The following ICE2 variants were observed in gnomAD, a reference collection of about 807,000 sequenced individuals.
ICE2 encodes the protein interactor of little elongation complex ELL subunit 2.
ICE2 carries 87 observed loss-of-function variants against 105.4 expected under a neutral mutation model. That is an observed-to-expected ratio of 0.83 (90% confidence interval 0.69 to 0.99). The LOEUF (loss-of-function observed/expected upper bound fraction) is 0.99, where lower values mean the gene tolerates loss of function less well. ICE2 is among the 50% of genes least tolerant of loss of function. ICE2 has a pLI of 0.00. For synonymous variants in ICE2, 399 were observed against 392.0 expected (o/e 1.02, Z -0.21); for missense variants, 1,323 against 1,146.7 (o/e 1.15, Z -2.22).
chr15:60,446,646 C>A (rs999144648), intron 11 of ICE2, among the ~76,000 whole-genome samples: 1 of 152,124 alleles, frequency 6.6e-6, no homozygotes, highest in Non-Finnish European at 1.5e-5. Flanking sequence ...CTGCCCACCT[C>A]GGCCTCCCAA....
chr15:60,442,315 G>T (rs538276081), intron 12 of ICE2, 101 bp downstream of exon 12: 32 of 1,108,692 alleles, frequency 2.9e-5, no homozygotes, highest in Admixed American at 5.2e-5. Context: ...AAATAAAAAC[G>T]AAAGTAAAAA....
At chr15:60,478,504 C>T (rs929455374) in intron 1 of ICE2, 1 of 183,972 alleles carries the variant, frequency 5.4e-6, no homozygotes, top group Admixed American at 5.9e-5. Flanking sequence ...AGGCCTTTCA[C>T]AAAGAACCTC....
intron 13 of ICE2, among the ~76,000 whole-genome samples, chr15:60,433,530 T>C (rs538673008): frequency 3.5e-4 from 53 of 151,922 alleles, no homozygotes; most frequent in Non-Finnish European, 7.4e-4. Context: ...TTGCTCTTTT[T>C]GCCCAGGTTG....
At chr15:60,471,700 T>C (rs942174200) in intron 3 of ICE2, among the ~76,000 whole-genome samples, 4 of 152,150 alleles carry the variant, frequency 2.6e-5, no homozygotes, top group Non-Finnish European at 4.4e-5. Context: ...GTATACAGCA[T>C]TATATTTTAT....
chr15:60,432,181 CTTTTTTTT>C (rs35081421), intron 13 of ICE2, among the ~76,000 whole-genome samples, 197 bp from the exon 14 acceptor site: 36 of 110,644 alleles, frequency 3.3e-4, no homozygotes, highest in Non-Finnish European at 4.1e-4. Flanking sequence ...AAAAAATTTC[CTTTTTTTT>C]TTTTTTTTTT....
At position 60,449,974 on chromosome 15, in the gene ICE2, GTTC is replaced by G. The variant is rs1341262981; in HGVS notation, c.1126-136_1126-134del. ...AAGAAAAGTCTAATGGTTGTAAAAG[GTTC>G]TTGTTTAAGATGACAACAAACTACT... On this transcript the variant is annotated intron_variant, in intron 9 of 15. Coordinates refer to ENST00000261520, the MANE Select transcript of ICE2 (RefSeq NM_024611.6). The G allele has an allele frequency of 7.9e-5, 54 of 686,362 alleles. No homozygotes were observed. In the East Asian group the frequency reaches 1.5e-3, roughly 18 times the overall value. The allele number at this position is 686,362 out of a possible 1,614,324, so 42.5% of individuals were successfully genotyped here. A position where few individuals can be genotyped will look rare whatever the true frequency, so the allele number is the denominator to read the frequency against.
chr15:60,446,034 G>A (rs1016536001), intron 11 of ICE2, among the ~76,000 whole-genome samples: 1 of 152,130 alleles, frequency 6.6e-6, no homozygotes, highest in African/African-American at 2.4e-5. Context: ...TTCACAGGAT[G>A]TTATAGCATT....
At chr15:60,468,657 T>C (rs2064497846) in intron 3 of ICE2, among the ~76,000 whole-genome samples, 1 of 152,216 alleles carries the variant, frequency 6.6e-6, no homozygotes. Context: ...TTACATTTTA[T>C]TAAATTTGAG....
intron 13 of ICE2, among the ~76,000 whole-genome samples, chr15:60,433,386 A>C (rs531091144): frequency 9.9e-5 from 15 of 151,422 alleles, no homozygotes; most frequent in Non-Finnish European, 1.9e-4. Flanking sequence ...GCACCCGGCC[A>C]AATCAGGTAT....
rs767265463 is a variant in ICE2, at chr15:60,468,074, T to G, written c.395A>C (p.Tyr132Ser). 2 of 1,611,956 alleles carry G rather than the reference T, an allele frequency of 1.2e-6. No homozygotes were observed. Among genetic ancestry groups the G allele is most frequent in the Non-Finnish European group, 1.7e-6 (2 of 1,179,138 alleles). ...CACAATACATACCAAGTACTGCAAG[T>G]AGTCATTTTTATTTATTCCAACAGC... is the stretch of plus-strand genomic sequence containing the variant. ...SKAVGINKNDYLQYLDMKKHV... is the reference protein window; with the variant it reads ...SKAVGINKNDSLQYLDMKKHV... The change falls in exon 4 of 16, where the codon TAC becomes TCC. Residue 132 changes from tyrosine (Y) to serine (S), a missense_variant. Coordinates refer to ENST00000261520, the MANE Select transcript of ICE2 (RefSeq NM_024611.6).
chr15:60,436,817 T>A (rs1193521191), intron 12 of ICE2, among the ~76,000 whole-genome samples: 3 of 152,024 alleles, frequency 2.0e-5, no homozygotes, highest in Non-Finnish European at 4.4e-5. Context: ...AATATGTATT[T>A]TTATGTTAAT....
intron 3 of ICE2, 58 bp downstream of exon 3, chr15:60,476,005 C>G: frequency 8.6e-7 from 1 of 1,162,486 alleles, no homozygotes; most frequent in Non-Finnish European, 1.2e-6. Context: ...CATAAAACTT[C>G]AACTATCAGA....
In ICE2 at chr15:60,448,966, G is replaced by C; in HGVS notation, c.2001C>G (p.Pro667=). The C allele has an allele frequency of 6.2e-7, 1 of 1,614,014 alleles. No homozygotes were observed. The highest frequency in any genetic ancestry group is 1.1e-5 in the South Asian group (1 of 91,080). The change falls in exon 10 of 16, where the codon CCC becomes CCG. Residue 667 remains proline (P), a synonymous_variant. Coordinates refer to ENST00000261520, the MANE Select transcript of ICE2 (RefSeq NM_024611.6). ...KPISRKVPEL[P]LMNLENSKQP... is the part of the protein sequence containing the mutation. Reference sequence around the variant, plus strand: ...GTTTAGAATTTTCTAAATTCATTAAGGGCAATTCTGGTACTTTTCTGGAAA... The same window carrying C: ...GTTTAGAATTTTCTAAATTCATTAACGGCAATTCTGGTACTTTTCTGGAAA...
chr15:60,436,274 T>C (rs763161266), intron 12 of ICE2, 47 bp from the exon 13 acceptor site: 1 of 704,478 alleles, frequency 1.4e-6, no homozygotes, highest in Non-Finnish European at 2.2e-6. Context: ...TTGCAGTATT[T>C]AGAAAAAAAA....
rs563500489 is a variant in ICE2 at position 60,448,616 on chromosome 15, C to G, written c.2119+232G>C. On this transcript the variant is annotated intron_variant, in intron 10 of 15. Transcript: ENST00000261520. Reference sequence around the variant, plus strand: ...ATCACATTACCTATAGCTTAGCAGTCACTGTACATGTTAGATAAACACAAG... The same window carrying G: ...ATCACATTACCTATAGCTTAGCAGTGACTGTACATGTTAGATAAACACAAG... 1.9e-4 allele frequency among the ~76,000 whole-genome samples: 29 copies of G among 152,284 alleles called. No homozygotes were observed. In the South Asian group the frequency reaches 4.8e-3, roughly 25 times the overall value.
At chr15:60,478,091 A>C (rs575933758) in intron 1 of ICE2, 22 bp from the exon 2 acceptor site, 2 of 937,606 alleles carry the variant, frequency 2.1e-6, no homozygotes, top group Admixed American at 3.5e-5. Flanking sequence ...CAAAAGGCCA[A>C]GATCAAAAGC....
chr15:60,433,441 G>A (rs1415912436), intron 13 of ICE2, among the ~76,000 whole-genome samples: 4 of 151,856 alleles, frequency 2.6e-5, no homozygotes, highest in South Asian at 2.1e-4. Context: ...AAGTCCGTCT[G>A]TCCATCCTTC....
chr15:60,453,491 A>C, intron 9 of ICE2, 112 bp downstream of exon 9: 1 of 1,469,204 alleles, frequency 6.8e-7, no homozygotes, highest in African/African-American at 1.4e-5. Context: ...TTCAGTTTGA[A>C]TCTAAAGCCT....
At position 60,451,682 on chromosome 15, in the gene ICE2, T is replaced by G. The variant is rs1372604112; in HGVS notation, c.1126-1841A>C. The G allele has an allele frequency of 3.4e-6, 3 of 875,666 alleles. No homozygotes were observed. The East Asian group carries it at 3.6e-4, about 106-fold the overall frequency. The allele number at this position is 875,666 out of a possible 1,614,324, so 54.2% of individuals were successfully genotyped here. A position where few individuals can be genotyped will look rare whatever the true frequency, so the allele number is the denominator to read the frequency against. On this transcript the variant is annotated intron_variant, in intron 9 of 15. Coordinates refer to ENST00000261520, the MANE Select transcript of ICE2 (RefSeq NM_024611.6). ...GGGCCTGAAAACTCAGGCTGTCATTTCAGAGAAAGCTCATTTACTTCTGGT... is the reference window on the plus strand; with the variant it reads ...GGGCCTGAAAACTCAGGCTGTCATTGCAGAGAAAGCTCATTTACTTCTGGT...
Sources: allele counts gnomAD v4.1 joint callset (sites outside exome capture counted in the v4.1 genomes callset), GRCh38; gene constraint gnomAD v4.1.1; transcripts MANE v1.5; gene names NCBI Gene and HGNC (gene_info 2026-07-23, HGNC 2026-07-21).